CACNA1C: variants seen among roughly 807,000 people sequenced by gnomAD.
CACNA1C encodes voltage-dependent L-type calcium channel subunit alpha-1C.
CACNA1C carries 30 observed loss-of-function variants against 229.0 expected under a neutral mutation model. The observed-to-expected ratio is 0.13, with a 90% CI of 0.10 to 0.18. The LOEUF is 0.18. CACNA1C is among the 10% of genes least tolerant of loss of function. CACNA1C has a pLI of 1.00. For synonymous variants in CACNA1C, 1,114 were observed against 1,132.5 expected (o/e 0.98, Z 0.33); for missense variants, 1,658 against 2,845.0 (o/e 0.58, Z 9.49).
At chr12:2,222,498 T>C (rs1038863612) in intron 3 of CACNA1C, 7 of 152,154 alleles carry the variant, frequency 4.6e-5, no homozygotes, top group South Asian at 2.1e-4. Flanking sequence ...GATTCAGTGA[T>C]AGGGAATTAG....
intron 3 of CACNA1C, among the ~76,000 whole-genome samples, chr12:2,328,720 T>C (rs2096430447): frequency 6.6e-6 from 1 of 152,212 alleles, no homozygotes. Context: ...GCCATCTTGG[T>C]GCAATTAGAC....
chr12:2,203,731 C>T (rs10848629), intron 3 of CACNA1C, among the ~76,000 whole-genome samples: 51,775 of 152,048 alleles, frequency 0.34, 9,309 homozygotes, highest in South Asian at 0.39. Flanking sequence ...CACATTGTAT[C>T]TCCTTGGGGC....
chr12:2,376,512 T>A (rs887335309), intron 3 of CACNA1C, among the ~76,000 whole-genome samples: 8 of 152,142 alleles, frequency 5.3e-5, no homozygotes, highest in Admixed American at 5.2e-4. Context: ...TTCGGATGGA[T>A]GCACAGCTTA....
chr12:2,392,255 T>A (rs1470995299), intron 3 of CACNA1C, among the ~76,000 whole-genome samples: 1 of 152,238 alleles, frequency 6.6e-6, no homozygotes, highest in African/African-American at 2.4e-5. Flanking sequence ...TACTGAGCCA[T>A]CTATTTAGTC....
chr12:2,582,142 A>T (rs932846700), intron 14 of CACNA1C, among the ~76,000 whole-genome samples: 53 of 127,948 alleles, frequency 4.1e-4, no homozygotes, highest in African/African-American at 4.6e-4. Flanking sequence ...CGTCTCAAAT[A>T]AAAAAAAAAA....
At chr12:2,089,531 G>C (rs1424553229) in intron 1 of CACNA1C, among the ~76,000 whole-genome samples, 1 of 152,178 alleles carries the variant, frequency 6.6e-6, no homozygotes, top group Non-Finnish European at 1.5e-5. Context: ...GCAACAGAGC[G>C]TGGTGACAGG....
At chr12:2,170,198 T>C (rs1004906779) in intron 3 of CACNA1C, among the ~76,000 whole-genome samples, 2 of 152,226 alleles carry the variant, frequency 1.3e-5, no homozygotes, top group Admixed American at 1.3e-4. Flanking sequence ...GTCTGAGTCA[T>C]TAAAGGACGC....
rs2090049138 is a variant in CACNA1C at position 2,630,840 on chromosome 12, T to C, written c.3829-3457T>C. 6.6e-6 allele frequency among the ~76,000 whole-genome samples: 1 copy of C among 152,134 alleles called. No homozygotes were observed. Among genetic ancestry groups the C allele is most frequent in the Non-Finnish European group, 1.5e-5 (1 of 68,024 alleles). On this transcript the variant is annotated intron_variant, in intron 29 of 46. Transcript: ENST00000399655. This position sits in a 1 kb window ranked among gnomAD's most constrained non-coding sequence, Gnocchi z 5.4. ...TAAAGCCTGGAGTAGCACAGCCTGC[T>C]GAGGACAAGTGTGAGGCACAAGGCC... is the stretch of plus-strand genomic sequence containing the variant.
At chr12:2,657,927 A>G (rs2095505126) in intron 34 of CACNA1C, among the ~76,000 whole-genome samples, 1 of 152,188 alleles carries the variant, frequency 6.6e-6, no homozygotes, top group Non-Finnish European at 1.5e-5. Context: ...TATAATAGTC[A>G]TAAAACTACA....
intron 13 of CACNA1C, among the ~76,000 whole-genome samples, chr12:2,573,356 A>G (rs2057168614): frequency 6.6e-6 from 1 of 152,214 alleles, no homozygotes; most frequent in African/African-American, 2.4e-5. Flanking sequence ...TGTCTTCTCC[A>G]TACTGTAGTC....
At position 2,655,103 on chromosome 12, in the gene CACNA1C, A is replaced by G. The variant is rs948741789; in HGVS notation, c.4141-44A>G. 5.9e-6 allele frequency: 7 copies of G among 1,191,352 alleles called. No homozygotes were observed. The Admixed American group carries it at 8.8e-5, about 15-fold the overall frequency. 73.8% of individuals were successfully genotyped at this position (1,191,352 alleles called of 1,614,324 possible). A position where few individuals can be genotyped will look rare whatever the true frequency, so the allele number is the denominator to read the frequency against. ...AACAATGGTGGGAAATTAGGACCCT[A>G]TCTGTCCACAAATCACTGAACACCT... is the stretch of plus-strand genomic sequence containing the variant. On this transcript the variant is annotated intron_variant, in intron 33 of 46. Coordinates refer to ENST00000399655, the MANE Select transcript of CACNA1C (RefSeq NM_000719.7).
At chr12:2,301,546 A>G (rs2094561477) in intron 3 of CACNA1C, among the ~76,000 whole-genome samples, 1 of 152,136 alleles carries the variant, frequency 6.6e-6, no homozygotes, top group Non-Finnish European at 1.5e-5. Context: ...AGAGAGTCAC[A>G]AAGACGCTCA....
intron 34 of CACNA1C, among the ~76,000 whole-genome samples, chr12:2,658,933 T>C (rs2095563177): frequency 6.6e-6 from 1 of 151,982 alleles, no homozygotes; most frequent in Non-Finnish European, 1.5e-5. Context: ...AGCTGTACAA[T>C]GTGTATTTTA....
chr12:2,053,117 C>T lies in CACNA1C; in HGVS notation c.-446C>T, dbSNP rs1240537139. On this transcript the variant is annotated 5_prime_UTR_variant, in exon 1 of 47. Coordinates refer to ENST00000399655, the MANE Select transcript of CACNA1C (RefSeq NM_000719.7). The surrounding 1 kb of genome is among the most constrained non-coding windows in gnomAD (Gnocchi z 5.8). The stretch of plus-strand genomic sequence containing the variant: ...AGGAGTTGCCGGCTCCCTTTGACAG[C>T]AGAGAGCCGGGCAGGGGCCTCAGGA... 1.0e-6 allele frequency: 1 copy of T among 984,690 alleles called. No individual in the cohort carries two copies. The highest frequency in any genetic ancestry group is 1.8e-5 in the African/African-American group (1 of 57,120). 61.0% of individuals were successfully genotyped at this position (984,690 alleles called of 1,614,324 possible). A position where few individuals can be genotyped will look rare whatever the true frequency, so the allele number is the denominator to read the frequency against.
At chr12:1,988,765 G>C (rs941774460) in intron 1 of CACNA1C, among the ~76,000 whole-genome samples, 1 of 152,092 alleles carries the variant, frequency 6.6e-6, no homozygotes, top group Non-Finnish European at 1.5e-5. Flanking sequence ...TAGAAGATGG[G>C]GGCTACCTGT....
intron 3 of CACNA1C, among the ~76,000 whole-genome samples, chr12:2,423,972 C>T (rs1320768319): frequency 6.6e-6 from 1 of 152,108 alleles, no homozygotes. Flanking sequence ...TGGACAAGCT[C>T]GTGCTCCCTC....
intron 7 of CACNA1C, among the ~76,000 whole-genome samples, chr12:2,500,514 C>G (rs1000569474): frequency 6.6e-6 from 1 of 152,176 alleles, no homozygotes; most frequent in East Asian, 1.9e-4. Flanking sequence ...GCCTGGGCGC[C>G]ATCGAGCCCA....
At chr12:2,567,165 G>A (rs2051482356) in intron 12 of CACNA1C, among the ~76,000 whole-genome samples, 2 of 152,196 alleles carry the variant, frequency 1.3e-5, no homozygotes, top group Non-Finnish European at 2.9e-5. Context: ...GTCCTGGGAG[G>A]CAGGGGGTCT....
chr12:2,643,329 CTTTG>C (rs1167124656), intron 30 of CACNA1C, among the ~76,000 whole-genome samples: 6 of 152,202 alleles, frequency 3.9e-5, no homozygotes, highest in Non-Finnish European at 7.3e-5. Context: ...GTTCCCTGCC[CTTTG>C]TTTGTCTTCT....
Sources: gnomAD v4.1 joint callset for allele counts (sites outside exome capture counted in the v4.1 genomes callset) on GRCh38, gnomAD v4.1.1 for gene constraint, Gnocchi (gnomAD v3.1) non-coding constraint, MANE v1.5 for transcripts, NCBI Gene and HGNC (gene_info 2026-07-23, HGNC 2026-07-21) for gene names.